The following MAPRE2 variants were observed in gnomAD, a reference collection of about 807,000 sequenced individuals.
MAPRE2 encodes microtubule associated protein RP/EB family member 2.
A neutral mutation model predicts 43.2 loss-of-function variants in MAPRE2; 13 were observed. The ratio of observed to expected loss-of-function variants is 0.30; its 90% CI spans 0.20 to 0.48. The LOEUF is 0.48. MAPRE2 is among the 20% of genes least tolerant of loss of function. The pLI, the probability that MAPRE2 is intolerant of heterozygous loss-of-function variation, is 0.99. For synonymous variants in MAPRE2, 135 were observed against 148.8 expected (o/e 0.91, Z 0.68); for missense variants, 161 against 400.2 (o/e 0.40, Z 5.10).
At chr18:35,127,182 G>C in intron 5 of MAPRE2, 95 bp downstream of exon 5, 1 of 1,282,538 alleles carries the variant, frequency 7.8e-7, no homozygotes, top group Non-Finnish European at 1.1e-6. Context: ...AGGGAGGGAA[G>C]GGTAAGGAAG....
At chr18:35,021,244 A>C (rs1271100463) in intron 2 of MAPRE2, among the ~76,000 whole-genome samples, 4 of 152,166 alleles carry the variant, frequency 2.6e-5, no homozygotes, top group Admixed American at 6.5e-5. Flanking sequence ...AACATGATGC[A>C]AGTATATTCT....
chr18:35,133,971 A>C (rs960560886), intron 6 of MAPRE2, among the ~76,000 whole-genome samples: 1 of 152,242 alleles, frequency 6.6e-6, no homozygotes, highest in Non-Finnish European at 1.5e-5. Context: ...TGCAATGTAC[A>C]TGCAACTAAA....
At chr18:35,109,640 A>G (rs975276963) in intron 4 of MAPRE2, among the ~76,000 whole-genome samples, 2 of 151,706 alleles carry the variant, frequency 1.3e-5, no homozygotes, top group Non-Finnish European at 2.9e-5. Flanking sequence ...TAATCTAGCT[A>G]CTCCAGCTTT....
At chr18:35,100,084 G>C (rs1172151320) in intron 3 of MAPRE2, among the ~76,000 whole-genome samples, 1 of 152,086 alleles carries the variant, frequency 6.6e-6, no homozygotes, top group Non-Finnish European at 1.5e-5. Flanking sequence ...GTGCTTGTCT[G>C]AATCACATGC....
chr18:34,996,341 T>C (rs562412), intron 1 of MAPRE2, among the ~76,000 whole-genome samples: 63,000 of 151,906 alleles, frequency 0.41, 13,719 homozygotes, highest in African/African-American at 0.55. Flanking sequence ...GCATTAGATT[T>C]TCATAAGCAG....
chr18:35,012,321 A>C (rs2097035305), intron 2 of MAPRE2, among the ~76,000 whole-genome samples: 1 of 152,176 alleles, frequency 6.6e-6, no homozygotes, highest in South Asian at 2.1e-4. Flanking sequence ...ACTAGCATGT[A>C]AGCAGTAAGC....
At chr18:35,121,354 CA>C (rs943104494) in intron 4 of MAPRE2, among the ~76,000 whole-genome samples, 2 of 152,156 alleles carry the variant, frequency 1.3e-5, no homozygotes, top group African/African-American at 4.8e-5. Context: ...TTTATACCCC[CA>C]AATCCTAAAG....
chr18:35,004,790 C>T (rs542750251), intron 1 of MAPRE2, among the ~76,000 whole-genome samples: 1 of 151,736 alleles, frequency 6.6e-6, no homozygotes, highest in Non-Finnish European at 1.5e-5. Flanking sequence ...TGGTGGCGGG[C>T]GCCTGTAGTC....
At chr18:35,091,272 G>T (rs1287092525) in intron 2 of MAPRE2, among the ~76,000 whole-genome samples, 1 of 152,150 alleles carries the variant, frequency 6.6e-6, no homozygotes, top group African/African-American at 2.4e-5. Context: ...CTTGTTTTAT[G>T]CACAAAATTA....
chr18:35,069,407 GAC>G (rs1322091196), intron 1 of MAPRE2, among the ~76,000 whole-genome samples: 1 of 151,838 alleles, frequency 6.6e-6, no homozygotes, highest in Admixed American at 6.6e-5. Context: ...ATTTTTCAGA[GAC>G]ACACTGAAAC....
At chr18:35,085,657 T>A (rs1907840935) in intron 2 of MAPRE2, among the ~76,000 whole-genome samples, 1 of 152,184 alleles carries the variant, frequency 6.6e-6, no homozygotes, top group African/African-American at 2.4e-5. Context: ...AACATCTTGG[T>A]CATATGAAGA....
At position 35,054,449 on chromosome 18, in the gene MAPRE2, T is replaced by G. The variant is rs146374240; in HGVS notation, c.122+12788T>G. 9.1e-3 allele frequency among the ~76,000 whole-genome samples: 1,386 copies of G among 152,358 alleles called. 21 individuals are homozygous for G. Among genetic ancestry groups the G allele is most frequent in the African/African-American group, 0.031 (1,298 of 41,572 alleles). ...TTATTTCGTTTAACATTTATTCATT[T>G]TATTGCCAAAAGGTTCAGGCCGAAT... On this transcript the variant is annotated intron_variant, in intron 1 of 6. Coordinates refer to ENST00000300249, the MANE Select transcript of MAPRE2 (RefSeq NM_014268.4).
At chr18:35,091,944 G>A (rs1391292393) in intron 2 of MAPRE2, among the ~76,000 whole-genome samples, 2 of 152,224 alleles carry the variant, frequency 1.3e-5, no homozygotes, top group Admixed American at 6.5e-5. Flanking sequence ...TTCTGCTTCT[G>A]GGGAGGCCTC....
intron 2 of MAPRE2, among the ~76,000 whole-genome samples, chr18:35,095,363 TACACACACACACACACAC>T (rs34361204): frequency 1.5e-5 from 2 of 136,090 alleles, no homozygotes; most frequent in Admixed American, 1.5e-4. Flanking sequence ...TTTAAGAAAA[TACACACACACACACACAC>T]ACACACACAC....
At position 35,140,403 on chromosome 18, in the gene MAPRE2, T is replaced by C. The variant is rs2144267444; in HGVS notation, c.*34T>C. ...GGCTGCTCTTGACACTTCCATTGTGTGTGGGAACGTTTCTTCTGGAGAATT... is the reference window on the plus strand; with the variant it reads ...GGCTGCTCTTGACACTTCCATTGTGCGTGGGAACGTTTCTTCTGGAGAATT... On this transcript the variant is annotated 3_prime_UTR_variant, in exon 7 of 7. Transcript: ENST00000300249. 1 of 1,569,644 alleles carries C rather than the reference T, an allele frequency of 6.4e-7. No homozygotes were observed. The highest frequency in any genetic ancestry group is 1.2e-5 in the South Asian group (1 of 86,088).
rs1251346185 is a variant in MAPRE2 at position 35,097,430 on chromosome 18, T to C, written c.251-16T>C. 1 of 1,612,706 alleles carries C rather than the reference T, an allele frequency of 6.2e-7. No homozygotes were observed. Among genetic ancestry groups the C allele is most frequent in the South Asian group, 1.1e-5 (1 of 90,932 alleles). ...ACAGTGAGACTCACTCCAGTACTGT[T>C]CTTGTTTCTTTCCAGGAGCGGCCTA... On this transcript the variant is annotated splice_polypyrimidine_tract_variant and intron_variant, in intron 2 of 6. Transcript: ENST00000300249.
chr18:35,138,154 A>G (rs1334550634), intron 6 of MAPRE2, among the ~76,000 whole-genome samples: 1 of 152,206 alleles, frequency 6.6e-6, no homozygotes, highest in Non-Finnish European at 1.5e-5. Context: ...GTGCAGAGGA[A>G]GTGCCAAGAG....
At chr18:35,117,744 CA>C in intron 4 of MAPRE2, among the ~76,000 whole-genome samples, 1 of 151,794 alleles carries the variant, frequency 6.6e-6, no homozygotes, top group Non-Finnish European at 1.5e-5. Context: ...TGAGAATGAT[CA>C]AAAAATAATA....
intron 2 of MAPRE2, among the ~76,000 whole-genome samples, chr18:35,073,278 GCTAT>G (rs1907197088): frequency 2.6e-5 from 4 of 152,116 alleles, no homozygotes; most frequent in Admixed American, 6.5e-5. Context: ...GCAGGAAGAA[GCTAT>G]CTTTCTATTT....
Sources: gnomAD v4.1 joint callset for allele counts (sites outside exome capture counted in the v4.1 genomes callset) on GRCh38, gnomAD v4.1.1 for gene constraint, MANE v1.5 for transcripts, NCBI Gene and HGNC (gene_info 2026-07-23, HGNC 2026-07-21) for gene names.